MYSM1: variants seen among roughly 807,000 people sequenced by gnomAD.
MYSM1 encodes the protein deubiquitinase MYSM1.
In MYSM1, 51 loss-of-function variants were observed where a neutral mutation model predicts 116.0. The observed-to-expected ratio is 0.44, with a 90% CI of 0.35 to 0.56. MYSM1 has a LOEUF of 0.56. MYSM1 is among the 20% of genes least tolerant of loss of function. The pLI is 0.00. For synonymous variants in MYSM1, 313 were observed against 315.2 expected (o/e 0.99, Z 0.07); for missense variants, 900 against 974.9 (o/e 0.92, Z 1.02).
At chr1:58,673,257 A>G (rs1463175910) in intron 11 of MYSM1, among the ~76,000 whole-genome samples, 1 of 152,228 alleles carries the variant, frequency 6.6e-6, no homozygotes, top group Non-Finnish European at 1.5e-5. Context: ...TTTAATTGGT[A>G]TATCAGAACC....
intron 16 of MYSM1, among the ~76,000 whole-genome samples, chr1:58,666,321 C>T (rs1644468762): frequency 6.6e-6 from 1 of 151,948 alleles, no homozygotes; most frequent in African/African-American, 2.4e-5. Context: ...GTGTAAAATC[C>T]CAGAATAAAA....
chr1:58,698,102 A>ATATATATATATTTTTTTT lies in MYSM1; in HGVS notation c.68+1882_68+1883insAAAAAAAATATATATATA. The stretch of plus-strand genomic sequence containing the variant: ...TATCAGACTATATATATATATATAT[A>ATATATATATATTTTTTTT]TTTTTTTTTTTTTTTTGAGACAGAG... On this transcript the variant is annotated intron_variant, in intron 1 of 19. Coordinates refer to ENST00000472487, the MANE Select transcript of MYSM1 (RefSeq NM_001085487.3). 3.9e-4 allele frequency among the ~76,000 whole-genome samples: 3 copies of ATATATATATATTTTTTTT among 7,768 alleles called. 1 individual carries two copies. Among genetic ancestry groups the ATATATATATATTTTTTTT allele is most frequent in the Non-Finnish European group, 7.3e-4 (2 of 2,758 alleles). 5.1% of individuals were successfully genotyped at this position (7,768 alleles called of 152,430 possible). A position where few individuals can be genotyped will look rare whatever the true frequency, so the allele number is the denominator to read the frequency against.
intron 1 of MYSM1, among the ~76,000 whole-genome samples, chr1:58,698,518 G>C (rs1039861191): frequency 6.6e-6 from 1 of 151,304 alleles, no homozygotes; most frequent in Non-Finnish European, 1.5e-5. Context: ...AGTAGACCTA[G>C]GCCTCAACTA....
At chr1:58,669,924 A>G (rs1245238822) in intron 12 of MYSM1, among the ~76,000 whole-genome samples, 1 of 152,026 alleles carries the variant, frequency 6.6e-6, no homozygotes, top group African/African-American at 2.4e-5. Flanking sequence ...TCAAAAGCAC[A>G]CATAAATCTC....
chr1:58,690,090 T>G (rs1644882014), intron 5 of MYSM1, 136 bp downstream of exon 5: 1 of 685,080 alleles, frequency 1.5e-6, no homozygotes, highest in Non-Finnish European at 2.4e-6. Flanking sequence ...CCAACATCTT[T>G]ATTAAAAAAA....
intron 8 of MYSM1, among the ~76,000 whole-genome samples, chr1:58,679,632 A>C (rs1378595136): frequency 2.0e-5 from 3 of 152,082 alleles, no homozygotes; most frequent in African/African-American, 4.8e-5. Context: ...GTTTTAAAAA[A>C]ATTTTTTGTA....
At chr1:58,699,947 C>T in intron 1 of MYSM1, 38 bp downstream of exon 1, 2 of 1,612,620 alleles carry the variant, frequency 1.2e-6, no homozygotes, top group Middle Eastern at 1.7e-4. Context: ...AATCCACTCC[C>T]CTCTCCGCCC....
chr1:58,668,933 G>T, intron 13 of MYSM1, 51 bp downstream of exon 13: 1 of 1,154,942 alleles, frequency 8.7e-7, no homozygotes. Flanking sequence ...TTTCCTGTTT[G>T]ACGGGGAAGC....
chr1:58,661,004 A>C (rs232779), intron 19 of MYSM1, among the ~76,000 whole-genome samples, 166 bp downstream of exon 19: 136,337 of 152,100 alleles, frequency 0.9, 61,124 homozygotes, highest in East Asian at 0.93. Context: ...GGCAACAAAA[A>C]ACGTTACTAA....
intron 1 of MYSM1, among the ~76,000 whole-genome samples, chr1:58,698,102 A>ATATATATATTTTTTTTT: frequency 1.4e-3 from 11 of 7,768 alleles, no homozygotes; most frequent in African/African-American, 2.8e-3. Flanking sequence ...ATATATATAT[A>ATATATATATTTTTTTTT]TTTTTTTTTT....
chr1:58,665,417 A>C (rs516957), intron 17 of MYSM1, 82 bp downstream of exon 17: 232,408 of 1,101,062 alleles, frequency 0.21, 27,266 homozygotes, highest in African/African-American at 0.41. Flanking sequence ...AATAATTTTA[A>C]ACAGTTGCAA....
intron 7 of MYSM1, 60 bp downstream of exon 7, chr1:58,685,093 T>G (rs1644808169): frequency 7.3e-7 from 1 of 1,362,668 alleles, no homozygotes; most frequent in Non-Finnish European, 1.0e-6. Context: ...AAAGAAATAC[T>G]TCTGCTTAGT....
intron 11 of MYSM1, among the ~76,000 whole-genome samples, chr1:58,672,700 T>C (rs1644581449): frequency 6.6e-6 from 1 of 152,128 alleles, no homozygotes; most frequent in Non-Finnish European, 1.5e-5. Context: ...AGTGTATTCA[T>C]CTCCATTTTG....
At chr1:58,668,333 G>C (rs1431032302) in intron 14 of MYSM1, 4 of 759,326 alleles carry the variant, frequency 5.3e-6, no homozygotes, top group Non-Finnish European at 5.2e-6. Context: ...CAAATTACAG[G>C]AGTTGTGCTT....
At chr1:58,686,707 G>A (rs1223228918) in intron 6 of MYSM1, among the ~76,000 whole-genome samples, 1 of 152,152 alleles carries the variant, frequency 6.6e-6, no homozygotes, top group Admixed American at 6.5e-5. Context: ...TTTATTGTGG[G>A]ATGAAGACAA....
At chr1:58,683,253 C>T (rs1278752282) in intron 7 of MYSM1, among the ~76,000 whole-genome samples, 2 of 152,156 alleles carry the variant, frequency 1.3e-5, no homozygotes, top group African/African-American at 2.4e-5. Context: ...ACTAAGGTAT[C>T]GTACAATATA....
chr1:58,661,632 C>G, intron 17 of MYSM1, 121 bp from the exon 18 acceptor site: 1 of 587,862 alleles, frequency 1.7e-6, no homozygotes, highest in Non-Finnish European at 3.0e-6. Flanking sequence ...ATCAGCTGAA[C>G]AGCACTTTAA....
chr1:58,697,703 C>A lies in MYSM1; in HGVS notation c.68+2282G>T, dbSNP rs1424338168. On this transcript the variant is annotated intron_variant, in intron 1 of 19. Transcript: ENST00000472487. ...CTCCCAGGGTCAAGCAATTCTCCTG[C>A]CTCAGCCTCCCTAGTAGCTGCAATT... is the stretch of plus-strand genomic sequence containing the variant. 4.6e-5 allele frequency among the ~76,000 whole-genome samples: 7 copies of A among 151,696 alleles called. No homozygotes were observed. In the East Asian group the frequency reaches 1.2e-3, roughly 25 times the overall value.
At chr1:58,688,498 GT>G (rs1247164691) in intron 6 of MYSM1, among the ~76,000 whole-genome samples, 1 of 150,524 alleles carries the variant, frequency 6.6e-6, no homozygotes, top group Non-Finnish European at 1.5e-5. Context: ...ACCAGAATAC[GT>G]ATCTTTTCCA....
Sources: gnomAD v4.1 joint callset for allele counts (sites outside exome capture counted in the v4.1 genomes callset) on GRCh38, gnomAD v4.1.1 for gene constraint, MANE v1.5 for transcripts, NCBI Gene and HGNC (gene_info 2026-07-23, HGNC 2026-07-21) for gene names.